The following XKR9 variants were observed in gnomAD, a reference collection of about 807,000 sequenced individuals.
XKR9 encodes the protein XK-related protein 9.
In XKR9, 32 loss-of-function variants were observed where a neutral mutation model predicts 32.0. The observed-to-expected ratio is 1.00, with a 90% CI of 0.76 to 1.34. The LOEUF (loss-of-function observed/expected upper bound fraction) is 1.34. Ranked by LOEUF, XKR9 falls within the 40% of genes most tolerant of loss-of-function variation. The pLI is 0.00. For synonymous variants in XKR9, 168 were observed against 143.4 expected (o/e 1.17, Z -1.22); for missense variants, 546 against 429.7 (o/e 1.27, Z -2.39).
chr8:70,888,944 G>T, the XKR9 span, among the ~76,000 whole-genome samples: 3 of 151,960 alleles, frequency 2.0e-5, no homozygotes, highest in South Asian at 4.1e-4. Context: ...AGAGTCTTTT[G>T]TAGTTCCATT....
the XKR9 span, among the ~76,000 whole-genome samples, chr8:70,925,683 G>C: frequency 6.6e-6 from 1 of 152,140 alleles, no homozygotes; most frequent in African/African-American, 2.4e-5. Context: ...AGAGTTAAGA[G>C]GAGGATAAAC....
chr8:70,816,583 C>G, the XKR9 span, among the ~76,000 whole-genome samples: 1 of 152,094 alleles, frequency 6.6e-6, no homozygotes, highest in Non-Finnish European at 1.5e-5. Flanking sequence ...AGTCACCAGA[C>G]AACCAAAAGT....
chr8:70,832,734 G>C, the XKR9 span, among the ~76,000 whole-genome samples: 1 of 152,102 alleles, frequency 6.6e-6, no homozygotes, highest in Non-Finnish European at 1.5e-5. Context: ...TTACAAATGA[G>C]GTTTAGAATG....
intron 3 of XKR9, among the ~76,000 whole-genome samples, chr8:70,686,696 G>A (rs1003656110): frequency 6.6e-6 from 1 of 152,022 alleles, no homozygotes; most frequent in Non-Finnish European, 1.5e-5. Context: ...CGTCTCCTTC[G>A]GCCTCTCAAA....
chr8:70,739,708 A>T (rs1038715110), downstream of XKR9, among the ~76,000 whole-genome samples: 1 of 151,998 alleles, frequency 6.6e-6, no homozygotes, highest in Non-Finnish European at 1.5e-5. Context: ...AAAGTATTTT[A>T]TTTCTCCTTC....
chr8:70,848,789 G>C, the XKR9 span, among the ~76,000 whole-genome samples: 1 of 148,140 alleles, frequency 6.8e-6, no homozygotes, highest in Non-Finnish European at 1.5e-5. Context: ...AAAAGAGCAG[G>C]AGTTGCAATT....
At chr8:70,997,164 G>A in the XKR9 span, among the ~76,000 whole-genome samples, 2 of 152,088 alleles carry the variant, frequency 1.3e-5, no homozygotes, top group African/African-American at 4.8e-5. Context: ...TGGCATTGTG[G>A]CAGGCACCTG....
At chr8:70,927,992 ATC>A in the XKR9 span, among the ~76,000 whole-genome samples, 1 of 152,088 alleles carries the variant, frequency 6.6e-6, no homozygotes, top group East Asian at 1.9e-4. Flanking sequence ...TGAACCTTTT[ATC>A]TAATTTCTAT....
chr8:70,718,244 T>C (rs1290598436), intron 4 of XKR9, among the ~76,000 whole-genome samples: 2 of 152,140 alleles, frequency 1.3e-5, no homozygotes, highest in East Asian at 1.9e-4. Context: ...CCAAAGTCAC[T>C]TCCACATTTT....
At chr8:70,909,816 C>T in the XKR9 span, among the ~76,000 whole-genome samples, 1 of 140,864 alleles carries the variant, frequency 7.1e-6, no homozygotes, top group South Asian at 2.3e-4. Context: ...TCAAGTGATT[C>T]TCATGTCTCA....
chr8:70,906,811 T>A, the XKR9 span, among the ~76,000 whole-genome samples: 1 of 152,158 alleles, frequency 6.6e-6, no homozygotes, highest in Non-Finnish European at 1.5e-5. Context: ...TTTTCTACAA[T>A]AAATATGTAA....
At chr8:70,757,548 C>CAGGT (rs145028104) in intron 2 of XKR9, among the ~76,000 whole-genome samples, 8 of 150,232 alleles carry the variant, frequency 5.3e-5, no homozygotes, top group African/African-American at 2.0e-4. Context: ...CTTCTTTCAT[C>CAGGT]ATGTATGTAT....
At chr8:70,963,298 C>A in the XKR9 span, among the ~76,000 whole-genome samples, 1 of 152,172 alleles carries the variant, frequency 6.6e-6, no homozygotes, top group Non-Finnish European at 1.5e-5. Flanking sequence ...GACATGATCT[C>A]ATTTCTTTTT....
intron 4 of XKR9, 79 bp from the exon 5 acceptor site, chr8:70,733,717 T>C: frequency 1.5e-6 from 2 of 1,313,690 alleles, no homozygotes; most frequent in Non-Finnish European, 2.0e-6. Context: ...TGTATATAGA[T>C]ATAGCATGTA....
At chr8:70,778,835 A>C (rs1039697381) in intron 2 of XKR9, among the ~76,000 whole-genome samples, 11 of 152,162 alleles carry the variant, frequency 7.2e-5, no homozygotes, top group African/African-American at 2.7e-4. Flanking sequence ...TTATCAGCTT[A>C]AGGAGATTTT....
At chr8:70,934,359 A>G in the XKR9 span, among the ~76,000 whole-genome samples, 1 of 152,038 alleles carries the variant, frequency 6.6e-6, no homozygotes, top group East Asian at 1.9e-4. Flanking sequence ...TTTTAATTTG[A>G]TAAGAAATTT....
At chr8:70,744,310 C>CA (rs5892236) in intron 2 of XKR9, among the ~76,000 whole-genome samples, 3,430 of 148,128 alleles carry the variant, frequency 0.023, 146 homozygotes, top group African/African-American at 0.08. Flanking sequence ...GACTTCGCCT[C>CA]AAAAAAAAAA....
chr8:70,693,354 C>A (rs1374669815), intron 3 of XKR9, among the ~76,000 whole-genome samples: 1 of 152,136 alleles, frequency 6.6e-6, no homozygotes, highest in African/African-American at 2.4e-5. Context: ...TATGATCCAG[C>A]AGATGACATT....
At chr8:70,781,192 A>T (rs1231224660) in intron 2 of XKR9, among the ~76,000 whole-genome samples, 1 of 152,098 alleles carries the variant, frequency 6.6e-6, no homozygotes, top group East Asian at 1.9e-4. Flanking sequence ...GCATCTTTTC[A>T]TGTGCTTATT....
Sources: gnomAD v4.1 joint callset for allele counts (sites outside exome capture counted in the v4.1 genomes callset) on GRCh38, gnomAD v4.1.1 for gene constraint, MANE v1.5 for transcripts, NCBI Gene and HGNC (gene_info 2026-07-23, HGNC 2026-07-21) for gene names.